The following ACOX3 variants were observed in gnomAD, a reference collection of about 807,000 sequenced individuals.
ACOX3 encodes peroxisomal acyl-coenzyme A oxidase 3.
A neutral mutation model predicts 81.5 loss-of-function variants in ACOX3; 73 were observed. That is an observed-to-expected ratio of 0.90 (90% CI 0.74 to 1.09). The LOEUF (loss-of-function observed/expected upper bound fraction) is 1.09. Ranked by LOEUF, ACOX3 falls within the 50% of genes least tolerant of loss-of-function variation. The pLI is 0.00. For synonymous variants in ACOX3, 387 were observed against 375.1 expected (o/e 1.03, Z -0.37); for missense variants, 947 against 928.0 (o/e 1.02, Z -0.27).
At chr4:8,367,667 C>A (rs1376591547) in intron 17 of ACOX3, among the ~76,000 whole-genome samples, 1 of 151,274 alleles carries the variant, frequency 6.6e-6, no homozygotes, top group Non-Finnish European at 1.5e-5. Context: ...TCACCCCTCG[C>A]CCTCTTCTTT....
chr4:8,428,151 C>T (rs1280620967), intron 1 of ACOX3, among the ~76,000 whole-genome samples: 1 of 152,258 alleles, frequency 6.6e-6, no homozygotes, highest in African/African-American at 2.4e-5. Flanking sequence ...GAATGCCCAG[C>T]ACGTGGGCCA....
chr4:8,415,625 A>G (rs1278095632), intron 3 of ACOX3, 141 bp downstream of exon 3: 4 of 705,480 alleles, frequency 5.7e-6, no homozygotes, highest in Non-Finnish European at 9.2e-6. Flanking sequence ...AAACATTAAA[A>G]AAAAGATAAT....
chr4:8,398,529 T>C (rs1327793099), intron 8 of ACOX3, among the ~76,000 whole-genome samples: 2 of 152,226 alleles, frequency 1.3e-5, no homozygotes, highest in Admixed American at 1.3e-4. Context: ...TTGCCCACGC[T>C]GGAGTGCAGT....
At chr4:8,417,218 C>T in intron 1 of ACOX3, among the ~76,000 whole-genome samples, 1 of 152,270 alleles carries the variant, frequency 6.6e-6, no homozygotes, top group South Asian at 2.1e-4. Flanking sequence ...AAGGGAATGG[C>T]TGGTGAACCC....
chr4:8,404,333 A>G (rs1299935820), intron 7 of ACOX3, among the ~76,000 whole-genome samples: 1 of 152,078 alleles, frequency 6.6e-6, no homozygotes, highest in African/African-American at 2.4e-5. Flanking sequence ...CTCCAACATT[A>G]ACTAGCAGGT....
In ACOX3 at chr4:8,419,680, G is replaced by A. The variant is rs559568249; in HGVS notation, c.-14-3145C>T. ...GTCCTCAATGTGTGCAAGGCTCCCC[G>A]ATTCACACCTCCAGACTCGTGAGCT... On this transcript the variant is annotated intron_variant, in intron 1 of 17. Coordinates refer to ENST00000356406, the MANE Select transcript of ACOX3 (RefSeq NM_003501.3). The surrounding 1 kb of genome is among the most constrained non-coding windows in gnomAD (Gnocchi z 4.2). Among the ~76,000 whole-genome samples the A allele has an allele frequency of 2.0e-5, 3 of 152,226 alleles. No individual in the cohort carries two copies. Among genetic ancestry groups the A allele is most frequent in the South Asian group, 2.1e-4 (1 of 4,820 alleles).
In ACOX3 at chr4:8,414,517, G is replaced by A. The variant is rs1384365214; in HGVS notation, c.454-136C>T. ...CCAAATTTCCATCTACCCAACTAGT[G>A]ACTTGACTGAGTCATGCTGCCACAC... On this transcript the variant is annotated intron_variant, in intron 4 of 17. Transcript: ENST00000356406. The surrounding 1 kb of genome is among the most constrained non-coding windows in gnomAD (Gnocchi z 6.1). 2.8e-5 allele frequency: 23 copies of A among 822,360 alleles called. No homozygotes were observed. The Admixed American group carries it at 4.8e-4, about 17-fold the overall frequency. 50.9% of individuals were successfully genotyped at this position (822,360 alleles called of 1,614,324 possible). A position where few individuals can be genotyped will look rare whatever the true frequency, so the allele number is the denominator to read the frequency against.
intron 10 of ACOX3, among the ~76,000 whole-genome samples, chr4:8,393,637 GCACACA>G (rs10576121): frequency 0.069 from 9,941 of 144,492 alleles, 1,025 homozygotes; most frequent in African/African-American, 0.23. Context: ...ACACACACAC[GCACACA>G]CACACACACA....
Position 8,423,146 on chromosome 4 carries a change from C to T in ACOX3, c.-14-6611G>A, listed in dbSNP as rs544391494. Among the ~76,000 whole-genome samples the T allele has an allele frequency of 2.0e-5, 3 of 152,282 alleles. No homozygotes were observed. Among genetic ancestry groups the T allele is most frequent in the South Asian group, 2.1e-4 (1 of 4,830 alleles). ...ACCGTCCTCCAGATCTGTCACTACC[C>T]GAGGGGTCCTAGGATAGGCAGTCAC... is the stretch of plus-strand genomic sequence containing the variant. On this transcript the variant is annotated intron_variant, in intron 1 of 17. Coordinates refer to ENST00000356406, the MANE Select transcript of ACOX3 (RefSeq NM_003501.3). The surrounding 1 kb of genome is among the most constrained non-coding windows in gnomAD (Gnocchi z 4.2).
chr4:8,403,393 TG>T (rs1189123988), intron 7 of ACOX3, among the ~76,000 whole-genome samples: 4 of 152,244 alleles, frequency 2.6e-5, no homozygotes, highest in African/African-American at 9.6e-5. Context: ...ATGGGAAATG[TG>T]CATTTCTGGA....
chr4:8,367,794 A>C (rs1362434800), intron 17 of ACOX3, among the ~76,000 whole-genome samples: 1 of 98,026 alleles, frequency 1.0e-5, no homozygotes, highest in Non-Finnish European at 1.9e-5. Context: ...ACACGGCGAA[A>C]CCCCATCTTT....
chr4:8,439,996 T>TA lies in ACOX3; in HGVS notation c.-15+651dup, dbSNP rs1293504370. ...GGCACCACCACGTGGCCCTAGGAGT[T>TA]AAAAAAAATAATAATAATAACATCA... On this transcript the variant is annotated intron_variant, in intron 1 of 17. Transcript: ENST00000356406. Among the ~76,000 whole-genome samples the TA allele has an allele frequency of 2.0e-3, 305 of 151,950 alleles. 2 individuals are homozygous for TA. The highest frequency in any genetic ancestry group is 6.8e-3 in the African/African-American group (284 of 41,476).
chr4:8,433,085 A>C (rs1193381874), intron 1 of ACOX3, among the ~76,000 whole-genome samples: 1 of 152,248 alleles, frequency 6.6e-6, no homozygotes, highest in Non-Finnish European at 1.5e-5. Flanking sequence ...GCAGTGGGTC[A>C]GATCCTTGAC....
chr4:8,356,350 G>C, the ACOX3 span: 8 of 371,900 alleles, frequency 2.2e-5, no homozygotes, highest in Non-Finnish European at 3.2e-5. Flanking sequence ...CCCCTGTGCA[G>C]AGCATGTCTC....
At chr4:8,369,894 G>A (rs1715948571) in intron 17 of ACOX3, among the ~76,000 whole-genome samples, 2 of 152,348 alleles carry the variant, frequency 1.3e-5, no homozygotes, top group East Asian at 1.9e-4. Flanking sequence ...CCTCAGGCAT[G>A]GGACATGAGC....
chr4:8,356,861 A>G, the ACOX3 span: 13 of 455,878 alleles, frequency 2.9e-5, no homozygotes, highest in African/African-American at 8.0e-5. Flanking sequence ...AGAACGGTGC[A>G]CACTAACATG....
Position 8,397,857 on chromosome 4 carries a change from G to A in ACOX3, c.874-738C>T, listed in dbSNP as rs1181346156. 4.6e-5 allele frequency among the ~76,000 whole-genome samples: 7 copies of A among 152,206 alleles called. No individual in the cohort carries two copies. The East Asian group carries it at 7.7e-4, about 17-fold the overall frequency. ...ACTCTCACATAGGAATCACAGTCTCGTTGTGTTTAAAAATGTATTTAAGCC... is the reference window on the plus strand; with the variant it reads ...ACTCTCACATAGGAATCACAGTCTCATTGTGTTTAAAAATGTATTTAAGCC... On this transcript the variant is annotated intron_variant, in intron 8 of 17. Transcript: ENST00000356406.
intron 7 of ACOX3, among the ~76,000 whole-genome samples, chr4:8,402,043 C>T (rs79025702): frequency 0.07 from 10,676 of 152,258 alleles, 734 homozygotes; most frequent in African/African-American, 0.18. Context: ...ACTTAAGGGA[C>T]GGGCACGTAA....
At chr4:8,401,038 A>C (rs938789585) in intron 7 of ACOX3, among the ~76,000 whole-genome samples, 1 of 151,768 alleles carries the variant, frequency 6.6e-6, no homozygotes, top group Non-Finnish European at 1.5e-5. Context: ...ATCAGGTATT[A>C]GATTCTCATA....
Sources: gnomAD v4.1 joint callset for allele counts (sites outside exome capture counted in the v4.1 genomes callset) on GRCh38, gnomAD v4.1.1 for gene constraint, Gnocchi (gnomAD v3.1) non-coding constraint, MANE v1.5 for transcripts, NCBI Gene and HGNC (gene_info 2026-07-23, HGNC 2026-07-21) for gene names.